CRB2: variants seen among roughly 807,000 people sequenced by gnomAD.
The protein encoded by CRB2 is protein crumbs homolog 2.
Under a neutral mutation model 110.9 loss-of-function variants are expected in CRB2, and 85 were observed. The ratio of observed to expected loss-of-function variants is 0.77; its 90% CI spans 0.64 to 0.92. The LOEUF (loss-of-function observed/expected upper bound fraction) is 0.92, where lower values mean the gene tolerates loss of function less well. CRB2 is among the 40% of genes least tolerant of loss of function. The pLI is 0.00. For missense variants in CRB2, 1,843 were observed against 1,851.3 expected, an observed-to-expected ratio of 1.00 and a Z score of 0.08; for synonymous variants, 907 against 831.0, an observed-to-expected ratio of 1.09 and a Z score of -1.57.
At chr9:123,376,702 C>CACTGCTCCCAGGGCAG in intron 12 of CRB2, 136 bp from the exon 13 acceptor site, 1 of 825,246 alleles carries the variant, frequency 1.2e-6, no homozygotes, top group African/African-American at 1.7e-5. Context: ...GCTGGGTCTT[C>CACTGCTCCCAGGGCAG]ACTGCTCCCA....
At chr9:123,365,737 C>T (rs1333856330) in intron 2 of CRB2, among the ~76,000 whole-genome samples, 180 bp from the exon 3 acceptor site, 1 of 152,198 alleles carries the variant, frequency 6.6e-6, no homozygotes, top group Non-Finnish European at 1.5e-5. Context: ...CTGTCTGTCT[C>T]GTTTCTCTCC....
intron 1 of CRB2, among the ~76,000 whole-genome samples, chr9:123,359,569 C>T (rs1320053500): frequency 6.6e-6 from 1 of 151,228 alleles, no homozygotes; most frequent in Non-Finnish European, 1.5e-5. Context: ...CCACCTCAGC[C>T]TCCCAAGCAG....
chr9:123,375,180 G>A (rs762423928), intron 11 of CRB2, 37 bp from the exon 12 acceptor site: 9 of 1,610,498 alleles, frequency 5.6e-6, no homozygotes, highest in Middle Eastern at 1.9e-4. Flanking sequence ...AGGCAGCCAT[G>A]GGGGAAGCCG....
rs191206857 is a variant in CRB2, at chr9:123,374,520, G to A, written c.3390-59G>A. 654 of 1,273,248 alleles carry A rather than the reference G, an allele frequency of 5.1e-4. 3 individuals carry two copies. In the African/African-American group the frequency reaches 8.3e-3, roughly 16 times the overall value. 78.9% of individuals were successfully genotyped at this position (1,273,248 alleles called of 1,614,324 possible). ...AGCTCAGGTGGCCCACGGTCACAGC[G>A]CTGGGGAGGGCAGGTCCCAGGTGTC... On this transcript the variant is annotated intron_variant, in intron 10 of 12. Transcript: ENST00000373631.
Position 123,367,306 on chromosome 9 carries a change from A to G in CRB2, c.889A>G (p.Ser297Gly). Residue 297 changes from serine to glycine, a missense_variant, in exon 5 of 13, where the codon AGC (serine) becomes GGC (glycine). By Grantham distance (56) the Ser-to-Gly change is moderately conservative. Transcript: ENST00000373631. ...CCAGGCCGCCTTCCCTGGCGCCTTC[A>G]GCTTCCGCCATGCTGCGGGTTTCCT... ...GVQAAFPGAFSFRHAAGFLCH... is the reference protein window; with the variant it reads ...GVQAAFPGAFGFRHAAGFLCH... 6.2e-7 allele frequency: 1 copy of G among 1,604,224 alleles called. No homozygotes were observed. Among genetic ancestry groups the G allele is most frequent in the Non-Finnish European group, 8.5e-7 (1 of 1,179,376 alleles).
At chr9:123,361,468 G>T (rs1022589686) in intron 1 of CRB2, among the ~76,000 whole-genome samples, 1 of 152,156 alleles carries the variant, frequency 6.6e-6, no homozygotes, top group Admixed American at 6.5e-5. Flanking sequence ...TGCGGATGAC[G>T]CCTGAGAGGC....
rs1045357228 is a variant in CRB2, at chr9:123,377,396, G to C, written c.*334G>C. ...TGTGTGTGAGTGTGTACCTGGGCCTGTGTTAGTCTGCAGATGCTAGTGTGA... is the reference window on the plus strand; with the variant it reads ...TGTGTGTGAGTGTGTACCTGGGCCTCTGTTAGTCTGCAGATGCTAGTGTGA... On this transcript the variant is annotated 3_prime_UTR_variant, in exon 13 of 13. Transcript: ENST00000373631. 1.2e-5 allele frequency: 3 copies of C among 258,076 alleles called. No individual in the cohort carries two copies. Among genetic ancestry groups the C allele is most frequent in the Non-Finnish European group, 1.5e-5 (2 of 136,468 alleles). 16.0% of individuals were successfully genotyped at this position (258,076 alleles called of 1,614,324 possible).
chr9:123,374,809 C>A, intron 11 of CRB2, 114 bp downstream of exon 11: 1 of 677,286 alleles, frequency 1.5e-6, no homozygotes, highest in Non-Finnish European at 2.5e-6. Context: ...CCTGGTATCA[C>A]AGTCACCATT....
chr9:123,371,150 C>T lies in CRB2; in HGVS notation c.2008C>T (p.Leu670Phe), dbSNP rs763701732. Residue 670 changes from leucine (L) to phenylalanine (F), a missense_variant, in exon 8 of 13, where the codon CTC becomes TTC. Coordinates refer to ENST00000373631, the MANE Select transcript of CRB2 (RefSeq NM_173689.7). ...FLLQELPGPNLTVSFLLRTRE... is the reference protein window; with the variant it reads ...FLLQELPGPNFTVSFLLRTRE... ...GCTCCAAGAGCTGCCAGGTCCCAAC[C>T]TCACAGTGTCTTTCCTTCTCCGCAC... is the stretch of plus-strand genomic sequence containing the variant. The T allele has an allele frequency of 6.2e-7, 1 of 1,613,728 alleles. No homozygotes were observed. The highest frequency in any genetic ancestry group is 1.1e-5 in the South Asian group (1 of 91,088).
At chr9:123,369,957 G>A (rs2041989284) in intron 6 of CRB2, 151 bp from the exon 7 acceptor site, 1 of 898,664 alleles carries the variant, frequency 1.1e-6, no homozygotes, top group African/African-American at 1.7e-5. Flanking sequence ...CTGGCCTACG[G>A]GGGGACTTGA....
At chr9:123,367,424 C>T in intron 5 of CRB2, 67 bp downstream of exon 5, 2 of 923,930 alleles carry the variant, frequency 2.2e-6, no homozygotes, top group Non-Finnish European at 2.9e-6. Context: ...TGTGCCCACC[C>T]CCCCACCCCC....
chr9:123,371,769 G>T (rs752920594), intron 8 of CRB2, among the ~76,000 whole-genome samples, 191 bp downstream of exon 8: 1 of 152,192 alleles, frequency 6.6e-6, no homozygotes, highest in African/African-American at 2.4e-5. Flanking sequence ...CAGCCCAGCT[G>T]CTCCTACCCT....
intron 2 of CRB2, among the ~76,000 whole-genome samples, chr9:123,364,381 T>TGCGG (rs2041906365): frequency 2.6e-5 from 4 of 152,036 alleles, no homozygotes; most frequent in Admixed American, 1.3e-4. Context: ...CAGTGGGTTG[T>TGCGG]GCATCCGGAT....
At chr9:123,363,231 T>C (rs778063590) in intron 2 of CRB2, 43 bp downstream of exon 2, 1 of 1,540,806 alleles carries the variant, frequency 6.5e-7, no homozygotes, top group Non-Finnish European at 8.8e-7. Flanking sequence ...GTAATGCAGA[T>C]CGCATCAGCT....
In CRB2 at chr9:123,366,255, T is replaced by A. The variant is rs1013621038; in HGVS notation, c.643T>A (p.Tyr215Asn). ...GFRCDCAGTG[Y>N]EGTHCEREVL... is the part of the protein sequence containing the mutation. The stretch of plus-strand genomic sequence containing the variant: ...CCGGTGCGACTGCGCGGGCACCGGC[T>A]ACGAGGGCACGCACTGCGAGCGGGA... Residue 215 changes from tyrosine to asparagine, a missense_variant, in exon 4 of 13, where the codon TAC becomes AAC. Physicochemically the swap from Tyr to Asn is moderately radical, Grantham distance 143. Transcript: ENST00000373631. 31 of 1,492,750 alleles carry A rather than the reference T, an allele frequency of 2.1e-5. No homozygotes were observed. Among genetic ancestry groups the A allele is most frequent in the Non-Finnish European group, 2.7e-5 (31 of 1,132,246 alleles). 92.5% of individuals were successfully genotyped at this position (1,492,750 alleles called of 1,614,324 possible).
chr9:123,371,614 G>T, intron 8 of CRB2, 36 bp downstream of exon 8: 1 of 1,606,994 alleles, frequency 6.2e-7, no homozygotes. Flanking sequence ...GGTGGGGTGG[G>T]GAGTCCTTTT....
chr9:123,379,262 C>T (rs561639388), downstream of CRB2, among the ~76,000 whole-genome samples: 6 of 152,132 alleles, frequency 3.9e-5, no homozygotes, highest in South Asian at 2.1e-4. Flanking sequence ...CCCGCCTCCC[C>T]GCAAACACCA....
chr9:123,356,070 TAGGGACGTCCACG>T, upstream of CRB2: 1 of 438,480 alleles, frequency 2.3e-6, no homozygotes, highest in East Asian at 3.5e-5. Context: ...GGCTGATGTC[TAGGGACGTCCACG>T]AGGTGGAGCA....
chr9:123,367,241 G>A lies in CRB2; in HGVS notation c.824G>A (p.Arg275Gln), dbSNP rs770519494. 6.9e-6 allele frequency: 11 copies of A among 1,596,386 alleles called. No homozygotes were observed. The highest frequency in any genetic ancestry group is 1.1e-5 in the South Asian group (1 of 89,796). The change falls in exon 5 of 13, where the codon CGA becomes CAA. Residue 275 changes from arginine (R) to glutamine (Q), a missense_variant. Transcript: ENST00000373631. ...CASSPCQHGG[R>Q]CLQRSDPALY... is the part of the protein sequence containing the mutation. ...TCGAGCCCCTGCCAGCATGGGGGCC[G>A]ATGCCTGCAGCGCTCTGACCCGGCC...
Sources: allele counts gnomAD v4.1 joint callset (sites outside exome capture counted in the v4.1 genomes callset), GRCh38; gene constraint gnomAD v4.1.1; transcripts MANE v1.5; gene names NCBI Gene and HGNC (gene_info 2026-07-23, HGNC 2026-07-21).